The following MAML2 variants were observed in gnomAD, a reference collection of about 807,000 sequenced individuals.
The protein encoded by MAML2 is mastermind like transcriptional coactivator 2.
Under a neutral mutation model 96.1 loss-of-function variants are expected in MAML2, and 22 were observed. The ratio of observed to expected loss-of-function variants is 0.23; its 90% confidence interval spans 0.16 to 0.33. The LOEUF (loss-of-function observed/expected upper bound fraction) is 0.33. MAML2 is among the 10% of genes least tolerant of loss of function. The pLI, the probability that MAML2 is intolerant of heterozygous loss-of-function variation, is 1.00. For missense variants in MAML2, 1,367 were observed against 1,392.4 expected, an observed-to-expected ratio of 0.98 and a Z score of 0.29; for synonymous variants, 561 against 521.3, an observed-to-expected ratio of 1.08 and a Z score of -1.04.
At chr11:96,252,256 T>C (rs1299981008) in intron 1 of MAML2, among the ~76,000 whole-genome samples, 2 of 151,914 alleles carry the variant, frequency 1.3e-5, no homozygotes, top group Non-Finnish European at 2.9e-5. Flanking sequence ...GTTCTGAAAA[T>C]GTACTACACA....
intron 1 of MAML2, among the ~76,000 whole-genome samples, chr11:96,286,992 G>A (rs950744158): frequency 1.3e-5 from 2 of 152,070 alleles, no homozygotes; most frequent in Non-Finnish European, 2.9e-5. Flanking sequence ...ATATATTCAC[G>A]AGAGAGCAGC....
intron 1 of MAML2, among the ~76,000 whole-genome samples, chr11:96,143,063 T>C (rs1860760845): frequency 6.6e-6 from 1 of 152,220 alleles, no homozygotes; most frequent in African/African-American, 2.4e-5. Context: ...AGACTTTTAT[T>C]GGAATACAAA....
At chr11:96,069,387 A>C (rs1483367512) in intron 2 of MAML2, among the ~76,000 whole-genome samples, 1 of 152,212 alleles carries the variant, frequency 6.6e-6, no homozygotes. Context: ...AAGATAAACA[A>C]AATTGGCTGG....
chr11:96,059,036 C>T (rs939767536), intron 2 of MAML2, among the ~76,000 whole-genome samples: 10 of 152,078 alleles, frequency 6.6e-5, no homozygotes, highest in Non-Finnish European at 1.0e-4. Flanking sequence ...GGGCAGAGAT[C>T]GTGCCACTGC....
intron 2 of MAML2, among the ~76,000 whole-genome samples, chr11:95,999,986 C>A (rs1015485254): frequency 2.0e-5 from 3 of 152,096 alleles, no homozygotes; most frequent in African/African-American, 7.2e-5. Flanking sequence ...AACTGTCTGC[C>A]GATGAAGCCA....
In MAML2 at chr11:96,126,494, G is replaced by A. The variant is rs557536488; in HGVS notation, c.514-32977C>T. 5.3e-4 allele frequency among the ~76,000 whole-genome samples: 81 copies of A among 152,270 alleles called. 1 individual carries two copies. The South Asian group carries it at 0.015, about 28-fold the overall frequency. ...AGAGAATCACTTGAACCCAGGAGGC[G>A]GAGCTTGCAGTGAGCCCAGATCACA... is the stretch of plus-strand genomic sequence containing the variant. On this transcript the variant is annotated intron_variant, in intron 1 of 4. Transcript: ENST00000524717.
chr11:95,976,940 A>G lies in MAML2; in HGVS notation c.*2008T>C, dbSNP rs1272901227. Reference sequence around the variant, plus strand: ...CAACAAGGACCAATACAATGTGCACAGCAGAAGAATCAAATAAGACACAAG... The same window carrying G: ...CAACAAGGACCAATACAATGTGCACGGCAGAAGAATCAAATAAGACACAAG... On this transcript the variant is annotated 3_prime_UTR_variant, in exon 5 of 5. Transcript: ENST00000524717. 2 of 195,854 alleles carry G rather than the reference A, an allele frequency of 1.0e-5. No homozygotes were observed. The highest frequency in any genetic ancestry group is 2.1e-5 in the Non-Finnish European group (2 of 94,302). 12.1% of individuals were successfully genotyped at this position (195,854 alleles called of 1,614,324 possible).
chr11:96,082,520 G>A (rs551516177), intron 2 of MAML2, among the ~76,000 whole-genome samples: 8 of 152,284 alleles, frequency 5.3e-5, no homozygotes, highest in Non-Finnish European at 1.2e-4. Flanking sequence ...CAGCCAGTAG[G>A]GATCAGACAG....
intron 2 of MAML2, among the ~76,000 whole-genome samples, chr11:96,006,242 G>A (rs908697684): frequency 3.3e-5 from 5 of 152,100 alleles, no homozygotes; most frequent in African/African-American, 1.2e-4. Context: ...AAGATTAGAG[G>A]TTTCACTTGG....
At chr11:96,011,876 T>C (rs767050793) in intron 2 of MAML2, among the ~76,000 whole-genome samples, 2 of 152,208 alleles carry the variant, frequency 1.3e-5, no homozygotes, top group Non-Finnish European at 1.5e-5. Context: ...CAAAACACAA[T>C]TTAATATTTT....
chr11:96,320,287 G>T (rs1475650290), intron 1 of MAML2, among the ~76,000 whole-genome samples: 1 of 152,172 alleles, frequency 6.6e-6, no homozygotes, highest in East Asian at 1.9e-4. Context: ...TACAGTCAGG[G>T]GTCTGCTGAC....
At chr11:96,286,555 T>C (rs927760310) in intron 1 of MAML2, among the ~76,000 whole-genome samples, 4 of 151,518 alleles carry the variant, frequency 2.6e-5, no homozygotes, top group Non-Finnish European at 5.9e-5. Flanking sequence ...TTAGTATTAG[T>C]ATATAAGAAG....
intron 1 of MAML2, among the ~76,000 whole-genome samples, chr11:96,176,907 T>C (rs2135906251): frequency 6.6e-6 from 1 of 152,214 alleles, no homozygotes; most frequent in South Asian, 2.1e-4. Context: ...GGGAAAAGAA[T>C]GACTGAGCAC....
chr11:96,178,325 C>T (rs924643307), intron 1 of MAML2, among the ~76,000 whole-genome samples: 2 of 152,084 alleles, frequency 1.3e-5, no homozygotes, highest in Non-Finnish European at 2.9e-5. Context: ...TTTTAATGCC[C>T]GTGGAGAGAG....
chr11:96,043,572 A>G (rs183557505), intron 2 of MAML2, among the ~76,000 whole-genome samples: 1 of 152,368 alleles, frequency 6.6e-6, no homozygotes, highest in East Asian at 1.9e-4. Context: ...TTTGCATTTA[A>G]TATAAAAATT....
At chr11:96,295,423 G>A (rs932400421) in intron 1 of MAML2, among the ~76,000 whole-genome samples, 1 of 152,144 alleles carries the variant, frequency 6.6e-6, no homozygotes, top group African/African-American at 2.4e-5. Context: ...ACGCCTAAAT[G>A]AGATGAACTA....
chr11:96,037,189 A>C (rs1858728417), intron 2 of MAML2, among the ~76,000 whole-genome samples: 1 of 122,412 alleles, frequency 8.2e-6, no homozygotes, highest in Non-Finnish European at 1.7e-5. Context: ...AATAAAAAAT[A>C]AAAAAACAAC....
chr11:96,287,561 C>T (rs1266705345), intron 1 of MAML2, among the ~76,000 whole-genome samples: 1 of 152,102 alleles, frequency 6.6e-6, no homozygotes, highest in East Asian at 1.9e-4. Flanking sequence ...ATTATAGAGA[C>T]ATCTACTTTT....
chr11:96,197,457 C>A (rs1190563015), intron 1 of MAML2, among the ~76,000 whole-genome samples: 2 of 152,088 alleles, frequency 1.3e-5, no homozygotes, highest in Non-Finnish European at 2.9e-5. Flanking sequence ...GCCAGAGAAG[C>A]AATTGTTTCA....
Sources: gnomAD v4.1 joint callset for allele counts (sites outside exome capture counted in the v4.1 genomes callset) on GRCh38, gnomAD v4.1.1 for gene constraint, MANE v1.5 for transcripts, NCBI Gene and HGNC (gene_info 2026-07-23, HGNC 2026-07-21) for gene names.